MSH4: variants seen among roughly 807,000 people sequenced by gnomAD.
The protein encoded by MSH4 is mutS homolog 4, also known as mutS protein homolog 4.
In MSH4, 106 loss-of-function variants were observed where a neutral mutation model predicts 113.7. That is an observed-to-expected ratio of 0.93 (90% CI 0.80 to 1.10). The LOEUF (loss-of-function observed/expected upper bound fraction) is 1.10. MSH4 is among the 50% of genes least tolerant of loss of function. The pLI is 0.00. For missense variants in MSH4, 1,061 were observed against 1,093.7 expected (o/e 0.97, Z 0.42); for synonymous variants, 368 against 380.2 (o/e 0.97, Z 0.37).
chr1:75,849,067 G>T (rs1206219572), intron 8 of MSH4, among the ~76,000 whole-genome samples: 1 of 152,054 alleles, frequency 6.6e-6, no homozygotes, highest in Non-Finnish European at 1.5e-5. Context: ...AAGTAGCTGG[G>T]ATTACAGGCA....
chr1:75,812,642 C>T lies in MSH4; in HGVS notation c.699+1835C>T, dbSNP rs982259230. Among the ~76,000 whole-genome samples the T allele has an allele frequency of 5.5e-4, 83 of 152,054 alleles. 1 individual carries two copies. Among genetic ancestry groups the T allele is most frequent in the East Asian group, 1.9e-4 (1 of 5,184 alleles). On this transcript the variant is annotated intron_variant, in intron 4 of 19. Coordinates refer to ENST00000263187, the MANE Select transcript of MSH4 (RefSeq NM_002440.4). ...CTGGGAGGCAGAGGTTGCAGCGAGC[C>T]GAGATTGTGCCATTGCACTGCAGCC... is the stretch of plus-strand genomic sequence containing the variant.
intron 15 of MSH4, among the ~76,000 whole-genome samples, chr1:75,885,047 G>A (rs12723407): frequency 0.074 from 8,032 of 108,104 alleles, 465 homozygotes; most frequent in East Asian, 0.23. Flanking sequence ...GTGTGTGTGT[G>A]TGTGTGTGTG....
At chr1:75,830,382 A>G (rs1433944308) in intron 7 of MSH4, among the ~76,000 whole-genome samples, 2 of 152,218 alleles carry the variant, frequency 1.3e-5, no homozygotes, top group African/African-American at 2.4e-5. Context: ...ATTATCCAGG[A>G]GAACTTCCCC....
intron 8 of MSH4, among the ~76,000 whole-genome samples, chr1:75,862,406 G>C (rs1651477374): frequency 6.6e-6 from 1 of 152,142 alleles, no homozygotes; most frequent in South Asian, 2.1e-4. Context: ...CTTCCTATTT[G>C]GCCATCTTGG....
At chr1:75,910,820 A>G (rs11161872) in intron 19 of MSH4, among the ~76,000 whole-genome samples, 8,101 of 152,134 alleles carry the variant, frequency 0.053, 364 homozygotes, top group African/African-American at 0.12. Flanking sequence ...CTTCACCTTT[A>G]AGTCTCCCAG....
At chr1:75,877,127 C>T (rs1271947424) in intron 10 of MSH4, 127 bp downstream of exon 10, 1 of 474,144 alleles carries the variant, frequency 2.1e-6, no homozygotes. Context: ...GAATCTTTAA[C>T]CTATTCATCA....
At chr1:75,821,643 T>C (rs1201867942) in intron 6 of MSH4, among the ~76,000 whole-genome samples, 2 of 152,188 alleles carry the variant, frequency 1.3e-5, no homozygotes, top group East Asian at 3.9e-4. Flanking sequence ...AAGATCTCAC[T>C]CTGTCTCCAC....
intron 7 of MSH4, among the ~76,000 whole-genome samples, chr1:75,829,734 A>G (rs1337090899): frequency 2.0e-5 from 3 of 152,184 alleles, no homozygotes; most frequent in African/African-American, 7.2e-5. Context: ...CCTGACTGAT[A>G]GAAGGAAAAC....
At chr1:75,869,888 C>T (rs551428289) in intron 9 of MSH4, among the ~76,000 whole-genome samples, 3 of 152,330 alleles carry the variant, frequency 2.0e-5, no homozygotes, top group Admixed American at 6.5e-5. Flanking sequence ...CCTAGTGGAT[C>T]TGTGAGAAGA....
intron 9 of MSH4, among the ~76,000 whole-genome samples, chr1:75,870,710 T>C (rs1175523777): frequency 6.6e-6 from 1 of 152,192 alleles, no homozygotes; most frequent in Non-Finnish European, 1.5e-5. Flanking sequence ...CCATGTGGAA[T>C]TGTGAGTCAA....
chr1:75,812,268 T>C (rs552091708), intron 4 of MSH4, among the ~76,000 whole-genome samples: 1 of 152,274 alleles, frequency 6.6e-6, no homozygotes, highest in East Asian at 1.9e-4. Flanking sequence ...AATATGCTGT[T>C]GCAACAGAGA....
chr1:75,855,089 G>T (rs1287116163), intron 8 of MSH4, among the ~76,000 whole-genome samples: 1 of 151,570 alleles, frequency 6.6e-6, no homozygotes, highest in Non-Finnish European at 1.5e-5. Context: ...CTAAGCTGGA[G>T]TGCAGTGGTG....
chr1:75,799,667 G>C (rs1196307053), intron 1 of MSH4, among the ~76,000 whole-genome samples: 2 of 152,220 alleles, frequency 1.3e-5, no homozygotes, highest in Non-Finnish European at 2.9e-5. Context: ...TGCTTGGCTA[G>C]AGCAGGAGAG....
At chr1:75,885,241 A>C (rs890216124) in intron 15 of MSH4, among the ~76,000 whole-genome samples, 1 of 142,380 alleles carries the variant, frequency 7.0e-6, no homozygotes, top group African/African-American at 2.6e-5. Context: ...AAATATATAT[A>C]TTATATACAT....
At chr1:75,906,616 A>C (rs1373960102) in intron 19 of MSH4, among the ~76,000 whole-genome samples, 1 of 119,016 alleles carries the variant, frequency 8.4e-6, no homozygotes, top group Non-Finnish European at 1.6e-5. Context: ...GAGGCTTATA[A>C]AATATTTTAT....
intron 19 of MSH4, among the ~76,000 whole-genome samples, chr1:75,907,684 C>CATATATATATA (rs1652690842): frequency 4.3e-5 from 2 of 46,572 alleles, no homozygotes; most frequent in Non-Finnish European, 7.4e-5. Context: ...CTCTCTCTCT[C>CATATATATATA]TATACATATA....
Position 75,902,733 on chromosome 1 carries a change from A to ATATG in MSH4, c.2619+3029_2619+3030insTGTA, listed in dbSNP as rs1465500851. Among the ~76,000 whole-genome samples, 39 of 93,072 alleles carry ATATG rather than the reference A, an allele frequency of 4.2e-4. 1 individual carries two copies. Among genetic ancestry groups the ATATG allele is most frequent in the Non-Finnish European group, 5.3e-4 (24 of 45,204 alleles). 61.1% of individuals were successfully genotyped at this position (93,072 alleles called of 152,430 possible). A position where few individuals can be genotyped will look rare whatever the true frequency, so the allele number is the denominator to read the frequency against. On this transcript the variant is annotated intron_variant, in intron 19 of 19. Coordinates refer to ENST00000263187, the MANE Select transcript of MSH4 (RefSeq NM_002440.4). ...TATATATATATATATATATATATAT[A>ATATG]TAGTTCTTTTAGTTCTTTGAGAAAT... is the stretch of plus-strand genomic sequence containing the variant.
chr1:75,798,271 T>A (rs905095897), intron 1 of MSH4, among the ~76,000 whole-genome samples: 2 of 152,176 alleles, frequency 1.3e-5, no homozygotes, highest in Non-Finnish European at 2.9e-5. Flanking sequence ...ATGTTTAATG[T>A]TCTTGACTGG....
intron 1 of MSH4, among the ~76,000 whole-genome samples, chr1:75,798,159 G>A (rs1394317243): frequency 6.6e-6 from 1 of 151,994 alleles, no homozygotes; most frequent in Non-Finnish European, 1.5e-5. Flanking sequence ...ACAGAGTCTC[G>A]CTATGCTGCC....
Sources: allele counts gnomAD v4.1 joint callset (sites outside exome capture counted in the v4.1 genomes callset), GRCh38; gene constraint gnomAD v4.1.1; transcripts MANE v1.5; gene names NCBI Gene and HGNC (gene_info 2026-07-23, HGNC 2026-07-21).